The following PPFIA4 variants were observed in gnomAD, a reference collection of about 807,000 sequenced individuals.
PPFIA4 encodes liprin-alpha-4.
In PPFIA4, 98 loss-of-function variants were observed where a neutral mutation model predicts 145.7. The ratio of observed to expected loss-of-function variants is 0.67; its 90% CI spans 0.57 to 0.80. The LOEUF is 0.80. PPFIA4 is among the 30% of genes least tolerant of loss of function. The probability of loss-of-function intolerance (pLI) is 0.00; values close to 1 mark genes in which losing one functional copy is unlikely to be tolerated. For missense variants in PPFIA4, 1,457 were observed against 1,632.7 expected, an observed-to-expected ratio of 0.89 and a Z score of 1.85; for synonymous variants, 628 against 649.6, an observed-to-expected ratio of 0.97 and a Z score of 0.51.
intron 28 of PPFIA4, among the ~76,000 whole-genome samples, chr1:203,074,932 C>T (rs1662414952): frequency 6.6e-6 from 1 of 152,128 alleles, no homozygotes; most frequent in Non-Finnish European, 1.5e-5. Context: ...TGACCCATCC[C>T]TGTTACAGGG....
chr1:203,076,168 C>T (rs1353807614), intron 29 of PPFIA4, 173 bp from the exon 30 acceptor site: 1 of 725,092 alleles, frequency 1.4e-6, no homozygotes, highest in Non-Finnish European at 2.3e-6. Context: ...CCCTGCCGCT[C>T]CAGTCCCGCT....
intron 23 of PPFIA4, 142 bp downstream of exon 23, chr1:203,061,174 G>C (rs923710388): frequency 6.3e-6 from 5 of 798,486 alleles, no homozygotes; most frequent in African/African-American, 5.1e-5. Context: ...GTGATCTGCT[G>C]TCACGGTGGA....
chr1:203,059,837 G>A lies in PPFIA4; in HGVS notation c.2569G>A (p.Val857Ile), dbSNP rs1356147693. Residue 857 changes from valine (V) to isoleucine (I), a missense_variant, in exon 21 of 30, where the codon GTC becomes ATC. By Grantham distance (29) the Val-to-Ile change is conservative (BLOSUM62 3). This residue lies in a region of PPFIA4 where 848 missense variants were observed against 1,046.7 expected (regional missense o/e 0.81). Transcript: ENST00000295706. Reference sequence around the variant, plus strand: ...TGCCCAGTGGGATGGTCCTACTGTGGTCTCCTGGTTGGAGGTAAGCCTGAG... The same window carrying A: ...TGCCCAGTGGGATGGTCCTACTGTGATCTCCTGGTTGGAGGTAAGCCTGAG... ...PFAQWDGPTV[V>I]SWLELWVGMP... 2 of 1,612,014 alleles carry A rather than the reference G, an allele frequency of 1.2e-6. No homozygotes were observed. Among genetic ancestry groups the A allele is most frequent in the Non-Finnish European group, 1.7e-6 (2 of 1,178,988 alleles).
Position 203,060,848 on chromosome 1 carries a change from G to T in PPFIA4, c.2785-122G>T, listed in dbSNP as rs1046425611. 30 of 851,352 alleles carry T rather than the reference G, an allele frequency of 3.5e-5. No individual in the cohort carries two copies. The African/African-American group carries it at 4.7e-4, about 13-fold the overall frequency. 52.7% of individuals were successfully genotyped at this position (851,352 alleles called of 1,614,324 possible). A position where few individuals can be genotyped will look rare whatever the true frequency, so the allele number is the denominator to read the frequency against. On this transcript the variant is annotated intron_variant, in intron 22 of 29. Coordinates refer to ENST00000295706, the MANE Select transcript of PPFIA4 (RefSeq NM_001304331.2). This position sits in a 1 kb window ranked among gnomAD's most constrained non-coding sequence, Gnocchi z 4.8. Reference sequence around the variant, plus strand: ...CATTGTCGGCCATCTCCATGATTGAGACCAGCCCCCATTTCAGAGGACTCA... The same window carrying T: ...CATTGTCGGCCATCTCCATGATTGATACCAGCCCCCATTTCAGAGGACTCA...
intron 24 of PPFIA4, 99 bp downstream of exon 24, chr1:203,061,777 A>G: frequency 7.7e-7 from 1 of 1,297,008 alleles, no homozygotes; most frequent in Non-Finnish European, 1.1e-6. Context: ...AGTCCTTCAT[A>G]TGAAAAGCCC....
At chr1:203,034,124 C>T (rs535681200) in intron 1 of PPFIA4, among the ~76,000 whole-genome samples, 36 of 152,228 alleles carry the variant, frequency 2.4e-4, no homozygotes, top group East Asian at 1.2e-3. Flanking sequence ...GCTGGGTCAG[C>T]GGAAGGGCAG....
rs1476254296 is a variant in PPFIA4 at position 203,056,400 on chromosome 1, G to A, written c.2132G>A (p.Arg711Gln). 11 of 1,613,858 alleles carry A rather than the reference G, an allele frequency of 6.8e-6. No homozygotes were observed. Among genetic ancestry groups the A allele is most frequent in the African/African-American group, 2.7e-5 (2 of 74,900 alleles). The change falls in exon 18 of 30, where the codon CGA becomes CAA. Residue 711 changes from arginine (R) to glutamine (Q), a missense_variant. Physicochemically the swap from Arg to Gln is conservative, Grantham distance 43. Around this residue, in one of 3 missense-constraint regions of PPFIA4, gnomAD observed 848 missense variants for 1,046.7 expected, o/e 0.81. Coordinates refer to ENST00000295706, the MANE Select transcript of PPFIA4 (RefSeq NM_001304331.2). The part of the protein sequence containing the change: ...LLSPVSREEN[R>Q]EDKATIKCET... ...TCGCCAGTGTCTCGGGAAGAGAACC[G>A]AGAGGATAAAGCCACCATAAAATGT...
chr1:203,051,511 G>C lies in PPFIA4; in HGVS notation c.1512-258G>C, dbSNP rs115730868. ...CATCGTAAGCCAACTCTTGCCATTA[G>C]AAGATCCTTCTTATGCCAGACGGAA... On this transcript the variant is annotated intron_variant, in intron 13 of 29. Coordinates refer to ENST00000295706, the MANE Select transcript of PPFIA4 (RefSeq NM_001304331.2). The C allele has an allele frequency of 1.3e-3, 861 of 683,974 alleles. 6 individuals are homozygous for C. In the African/African-American group the frequency reaches 0.015, roughly 12 times the overall value. The allele number at this position is 683,974 out of a possible 1,614,324, so 42.4% of individuals were successfully genotyped here. A position where few individuals can be genotyped will look rare whatever the true frequency, so the allele number is the denominator to read the frequency against.
rs556457590 is a variant in PPFIA4 at position 203,055,455 on chromosome 1, C to T, written c.1853C>T (p.Ser618Phe). 6.2e-7 allele frequency: 1 copy of T among 1,613,954 alleles called. No individual in the cohort carries two copies. The highest frequency in any genetic ancestry group is 2.2e-5 in the East Asian group (1 of 44,878). ...AGGATGATTCAGGAAGAGAAGGAGT[C>T]CACGGAGCTCCGCGCGGAGGAGATT... ...EIRMIQEEKE[S>F]TELRAEEIET... The change falls in exon 16 of 30, where the codon TCC (serine) becomes TTC (phenylalanine). Residue 618 changes from serine (S) to phenylalanine (F), a missense_variant. Coordinates refer to ENST00000295706, the MANE Select transcript of PPFIA4 (RefSeq NM_001304331.2). The surrounding 1 kb of genome is among the most constrained non-coding windows in gnomAD (Gnocchi z 4.8).
Position 203,060,913 on chromosome 1 carries a change from G to T in PPFIA4, c.2785-57G>T. The stretch of plus-strand genomic sequence containing the variant: ...TCCTTGTCCTTTGGGCTCCCAGCCT[G>T]ATGGGGATCCTGGGGACCCACACCC... On this transcript the variant is annotated intron_variant, in intron 22 of 29. Coordinates refer to ENST00000295706, the MANE Select transcript of PPFIA4 (RefSeq NM_001304331.2). The surrounding 1 kb of genome is among the most constrained non-coding windows in gnomAD (Gnocchi z 4.8). 6.5e-7 allele frequency: 1 copy of T among 1,541,930 alleles called. No individual in the cohort carries two copies. Among genetic ancestry groups the T allele is most frequent in the Non-Finnish European group, 9.0e-7 (1 of 1,115,236 alleles).
intron 13 of PPFIA4, 185 bp from the exon 14 acceptor site, chr1:203,051,584 C>A: frequency 8.9e-7 from 1 of 1,127,770 alleles, no homozygotes; most frequent in Non-Finnish European, 1.2e-6. Context: ...ACCCCTGGAG[C>A]ACCAGGGCAT....
chr1:203,044,357 C>T (rs1659914313), intron 4 of PPFIA4, 22 bp from the exon 5 acceptor site: 2 of 1,548,704 alleles, frequency 1.3e-6, no homozygotes, highest in East Asian at 2.4e-5. Flanking sequence ...TTTCTTCCTC[C>T]ATCTCCCCTT....
rs1661286250 is a variant in PPFIA4, at chr1:203,060,484, G to A, written c.2784+67G>A. On this transcript the variant is annotated intron_variant, in intron 22 of 29. Transcript: ENST00000295706. The surrounding 1 kb of genome is among the most constrained non-coding windows in gnomAD (Gnocchi z 4.8). Reference sequence around the variant, plus strand: ...TGGAACATAGTTTGCAAGGTCTCCTGTTGGGCTTTGGGAAGATGGCAGCAT... The same window carrying A: ...TGGAACATAGTTTGCAAGGTCTCCTATTGGGCTTTGGGAAGATGGCAGCAT... 3 of 1,542,898 alleles carry A rather than the reference G, an allele frequency of 1.9e-6. No homozygotes were observed. Among genetic ancestry groups the A allele is most frequent in the Non-Finnish European group, 2.7e-6 (3 of 1,129,618 alleles).
intron 12 of PPFIA4, 82 bp downstream of exon 12, chr1:203,049,062 G>C (rs6696772): frequency 0.22 from 296,588 of 1,318,376 alleles, 35,006 homozygotes; most frequent in East Asian, 0.36. Flanking sequence ...TAACGCTGCT[G>C]CTCTGATACC....
Position 203,055,480 on chromosome 1 carries a change from T to C in PPFIA4, c.1878T>C (p.Ile626=). The change falls in exon 16 of 30, where the codon ATT becomes ATC. Residue 626 remains isoleucine (I), a synonymous_variant. Coordinates refer to ENST00000295706, the MANE Select transcript of PPFIA4 (RefSeq NM_001304331.2). This position sits in a 1 kb window ranked among gnomAD's most constrained non-coding sequence, Gnocchi z 4.8. ...CCACGGAGCTCCGCGCGGAGGAGAT[T>C]GAGACGCGTGTAACCAGTGGCAGCA... ...KESTELRAEE[I]ETRVTSGSME... 6.2e-7 allele frequency: 1 copy of C among 1,613,962 alleles called. No homozygotes were observed. The highest frequency in any genetic ancestry group is 8.5e-7 in the Non-Finnish European group (1 of 1,179,898).
chr1:203,059,801 G>A lies in PPFIA4; in HGVS notation c.2533G>A (p.Gly845Arg). ...GCTGCTTGAAGATGCCCGCAGGAAA[G>A]GAATGCCCTTTGCCCAGTGGGATGG... ...HQLLEDARRK[G>R]MPFAQWDGPT... is the part of the protein sequence containing the mutation. The change falls in exon 21 of 30, where the codon GGA (glycine) becomes AGA (arginine). Residue 845 changes from glycine to arginine, a missense_variant. Coordinates refer to ENST00000295706, the MANE Select transcript of PPFIA4 (RefSeq NM_001304331.2). 6.2e-7 allele frequency: 1 copy of A among 1,613,644 alleles called. No individual in the cohort carries two copies. Among genetic ancestry groups the A allele is most frequent in the South Asian group, 1.1e-5 (1 of 90,918 alleles).
chr1:203,051,727 G>T, intron 13 of PPFIA4, 42 bp from the exon 14 acceptor site: 2 of 1,572,662 alleles, frequency 1.3e-6, no homozygotes, highest in South Asian at 2.3e-5. Context: ...GGGGGTCTCA[G>T]TCCTCAGGGC....
intron 20 of PPFIA4, 103 bp from the exon 21 acceptor site, chr1:203,059,667 G>T (rs1558091810): frequency 1.1e-6 from 1 of 913,524 alleles, no homozygotes; most frequent in South Asian, 1.4e-5. Context: ...TGGGGAGCAA[G>T]GGTTGTGGGT....
intron 27 of PPFIA4, among the ~76,000 whole-genome samples, chr1:203,071,364 G>C (rs1165214196): frequency 6.6e-6 from 1 of 151,022 alleles, no homozygotes; most frequent in African/African-American, 2.4e-5. Flanking sequence ...GTAGAGACGG[G>C]GTTTCACTGT....
Sources: allele counts gnomAD v4.1 joint callset (sites outside exome capture counted in the v4.1 genomes callset), GRCh38; gene constraint gnomAD v4.1.1; regional missense constraint gnomAD v4.1.1; non-coding constraint Gnocchi (gnomAD v3.1); transcripts MANE v1.5; gene names NCBI Gene and HGNC (gene_info 2026-07-23, HGNC 2026-07-21).